PTPRO: variants seen among roughly 807,000 people sequenced by gnomAD.
PTPRO encodes the protein receptor-type tyrosine-protein phosphatase O.
Under a neutral mutation model 145.2 loss-of-function variants are expected in PTPRO, and 62 were observed. The ratio of observed to expected loss-of-function variants is 0.43; its 90% CI spans 0.35 to 0.53. The LOEUF is 0.53. Ranked by LOEUF, PTPRO falls within the 20% of genes least tolerant of loss-of-function variation. The probability of loss-of-function intolerance (pLI) is 0.01; values close to 1 mark genes in which losing one functional copy is unlikely to be tolerated. For synonymous variants in PTPRO, 565 were observed against 514.7 expected (o/e 1.10, Z -1.32); for missense variants, 1,345 against 1,482.7 (o/e 0.91, Z 1.53).
At chr12:15,339,435 T>A (rs1565572191) in intron 1 of PTPRO, among the ~76,000 whole-genome samples, 1 of 152,180 alleles carries the variant, frequency 6.6e-6, no homozygotes, top group Non-Finnish European at 1.5e-5. Context: ...TAAAATGAGC[T>A]TTAGTTCAGC....
At chr12:15,480,953 T>C (rs1166326089) in intron 1 of PTPRO, among the ~76,000 whole-genome samples, 4 of 152,206 alleles carry the variant, frequency 2.6e-5, no homozygotes, top group African/African-American at 9.6e-5. Flanking sequence ...CCAGAGTATA[T>C]GGTTATTTGC....
At chr12:15,434,090 A>G (rs1239933538) in intron 1 of PTPRO, among the ~76,000 whole-genome samples, 1 of 152,198 alleles carries the variant, frequency 6.6e-6, no homozygotes, top group Non-Finnish European at 1.5e-5. Context: ...GTACACACAG[A>G]GGTTGTTCCC....
chr12:15,513,124 G>A (rs12812391), intron 7 of PTPRO, among the ~76,000 whole-genome samples: 258 of 22,264 alleles, frequency 0.012, 13 homozygotes, highest in Non-Finnish European at 0.017. Context: ...AGGAAGGAAG[G>A]AAGGAAGGAA....
At chr12:15,529,548 C>G (rs968113850) in intron 12 of PTPRO, among the ~76,000 whole-genome samples, 1 of 151,814 alleles carries the variant, frequency 6.6e-6, no homozygotes, top group African/African-American at 2.4e-5. Flanking sequence ...GAGGCTGAGG[C>G]AGGAGGATCA....
At chr12:15,592,698 T>C (rs900536112) in intron 25 of PTPRO, among the ~76,000 whole-genome samples, 1 of 152,244 alleles carries the variant, frequency 6.6e-6, no homozygotes, top group African/African-American at 2.4e-5. Flanking sequence ...AAGGCTCCCA[T>C]TTCTCTTCTG....
intron 1 of PTPRO, among the ~76,000 whole-genome samples, chr12:15,458,903 T>C (rs907921067): frequency 2.0e-5 from 3 of 152,138 alleles, no homozygotes; most frequent in African/African-American, 7.2e-5. Context: ...CCCTTGGTTC[T>C]TCATTTTAGT....
intron 1 of PTPRO, among the ~76,000 whole-genome samples, chr12:15,327,259 C>T (rs1866471098): frequency 6.6e-6 from 1 of 152,140 alleles, no homozygotes; most frequent in Admixed American, 6.6e-5. Context: ...GTAATATTCT[C>T]AGTTGCTCAT....
chr12:15,554,137 T>G (rs1419846193), intron 15 of PTPRO, among the ~76,000 whole-genome samples: 1 of 152,102 alleles, frequency 6.6e-6, no homozygotes, highest in East Asian at 1.9e-4. Flanking sequence ...ATTGCGCCAT[T>G]GCACTCCAGC....
At chr12:15,545,159 G>A (rs751105591) in intron 12 of PTPRO, among the ~76,000 whole-genome samples, 4 of 152,018 alleles carry the variant, frequency 2.6e-5, no homozygotes, top group Non-Finnish European at 4.4e-5. Flanking sequence ...GCAGTGAAAT[G>A]GCTGACAGGA....
At chr12:15,353,122 C>A (rs140921854) in intron 1 of PTPRO, among the ~76,000 whole-genome samples, 10 of 152,264 alleles carry the variant, frequency 6.6e-5, no homozygotes, top group Admixed American at 4.6e-4. Flanking sequence ...CACCTTATAA[C>A]TCCCATTTAT....
chr12:15,567,245 GGCTT>G (rs1943923497), intron 18 of PTPRO, among the ~76,000 whole-genome samples: 1 of 151,866 alleles, frequency 6.6e-6, no homozygotes, highest in African/African-American at 2.4e-5. Flanking sequence ...TTTCTTGAAA[GGCTT>G]TCCTCTCACC....
At chr12:15,370,111 GAC>G (rs1403777997) in intron 1 of PTPRO, among the ~76,000 whole-genome samples, 1 of 152,068 alleles carries the variant, frequency 6.6e-6, no homozygotes, top group Admixed American at 6.6e-5. Context: ...TCAATTATAT[GAC>G]ACATATTTTA....
intron 1 of PTPRO, among the ~76,000 whole-genome samples, chr12:15,418,345 T>G (rs1591794391): frequency 1.3e-5 from 2 of 151,882 alleles, no homozygotes; most frequent in East Asian, 3.9e-4. Context: ...CACAGCTAGA[T>G]TCCCAGTACC....
Position 15,551,579 on chromosome 12 carries a change from G to A in PTPRO, c.2466G>A (p.Val822=). ...CAGAGATGAATCCCAATGTGGTAGT[G>A]ATCTCCGTGCTGGCCATCCTTAGCA... ...MVTEMNPNVV[V]ISVLAILSTL... is the part of the protein sequence containing the mutation. Residue 822 remains valine, a synonymous_variant, in exon 15 of 27, where the codon GTG becomes GTA. Coordinates refer to ENST00000281171, the MANE Select transcript of PTPRO (RefSeq NM_030667.3). The A allele has an allele frequency of 1.2e-6, 2 of 1,613,696 alleles. No homozygotes were observed. The highest frequency in any genetic ancestry group is 1.7e-6 in the Non-Finnish European group (2 of 1,179,790).
chr12:15,576,144 C>G (rs1373319925), intron 19 of PTPRO, among the ~76,000 whole-genome samples: 1 of 152,162 alleles, frequency 6.6e-6, no homozygotes, highest in Non-Finnish European at 1.5e-5. Flanking sequence ...TCCATCACTC[C>G]ATAGTTTGTC....
At chr12:15,406,392 A>C (rs753816919) in intron 1 of PTPRO, among the ~76,000 whole-genome samples, 11 of 152,210 alleles carry the variant, frequency 7.2e-5, no homozygotes, top group Non-Finnish European at 1.0e-4. Flanking sequence ...TGGAGCAGCC[A>C]AATCAATCAT....
chr12:15,560,204 T>C lies in PTPRO; in HGVS notation c.2639T>C (p.Ile880Thr), dbSNP rs1302898786. 1.3e-6 allele frequency: 2 copies of C among 1,588,220 alleles called. No homozygotes were observed. Among genetic ancestry groups the C allele is most frequent in the Non-Finnish European group, 1.7e-6 (2 of 1,156,858 alleles). Reference sequence around the variant, plus strand: ...ATTAATGCACACAGGCGTAGGAGTATATTTGCTTTCTTAACCCTGCTACCC... The same window carrying C: ...ATTAATGCACACAGGCGTAGGAGTACATTTGCTTTCTTAACCCTGCTACCC... ...GKLPYNWRRS[I>T]FAFLTLLPSC... The change falls in exon 17 of 27, where the codon ATA (isoleucine) becomes ACA (threonine). Residue 880 changes from isoleucine to threonine, a missense_variant. Ile to Thr is a moderately conservative substitution (Grantham distance 89). Transcript: ENST00000281171.
At chr12:15,523,470 T>A (rs186224611) in intron 10 of PTPRO, among the ~76,000 whole-genome samples, 7 of 152,316 alleles carry the variant, frequency 4.6e-5, no homozygotes, top group African/African-American at 7.2e-5. Context: ...GCAAATTTTT[T>A]ATTTTATTTA....
At chr12:15,345,814 A>C (rs1867187301) in intron 1 of PTPRO, among the ~76,000 whole-genome samples, 1 of 152,160 alleles carries the variant, frequency 6.6e-6, no homozygotes, top group Admixed American at 6.6e-5. Context: ...TTGCCTTTAC[A>C]AATGTCAGAG....
Sources: gnomAD v4.1 joint callset for allele counts (sites outside exome capture counted in the v4.1 genomes callset) on GRCh38, gnomAD v4.1.1 for gene constraint, MANE v1.5 for transcripts, NCBI Gene and HGNC (gene_info 2026-07-23, HGNC 2026-07-21) for gene names.